The following CMSS1 variants were observed in gnomAD, a reference collection of about 807,000 sequenced individuals.
CMSS1 encodes the protein protein CMSS1.
In CMSS1, 33 loss-of-function variants were observed where a neutral mutation model predicts 43.5. The observed-to-expected ratio is 0.76, with a 90% confidence interval of 0.57 to 1.01. CMSS1 has a LOEUF of 1.01. Ranked by LOEUF, CMSS1 falls within the 50% of genes least tolerant of loss-of-function variation. CMSS1 has a pLI of 0.00. For synonymous variants in CMSS1, 115 were observed against 117.2 expected, an observed-to-expected ratio of 0.98 and a Z score of 0.12; for missense variants, 313 against 326.4, an observed-to-expected ratio of 0.96 and a Z score of 0.32.
chr3:100,122,473 C>A (rs947683649), intron 1 of CMSS1, among the ~76,000 whole-genome samples: 4 of 152,220 alleles, frequency 2.6e-5, no homozygotes, highest in African/African-American at 9.6e-5. Context: ...AGCCACATGG[C>A]AAAGTGACAA....
chr3:100,138,738 G>A (rs974271071), intron 1 of CMSS1, among the ~76,000 whole-genome samples: 1 of 152,196 alleles, frequency 6.6e-6, no homozygotes, highest in Non-Finnish European at 1.5e-5. Context: ...TACACTGTTG[G>A]TGGGAGTGTA....
At chr3:99,901,905 CATA>C (rs1402045210) in intron 1 of CMSS1, among the ~76,000 whole-genome samples, 1 of 152,030 alleles carries the variant, frequency 6.6e-6, no homozygotes, top group Non-Finnish European at 1.5e-5. Flanking sequence ...TAGAGCTCAG[CATA>C]ATGTTTTTTG....
chr3:99,895,276 C>G (rs1317481763), intron 1 of CMSS1, among the ~76,000 whole-genome samples: 1 of 152,074 alleles, frequency 6.6e-6, no homozygotes, highest in African/African-American at 2.4e-5. Context: ...CCCATGTTCA[C>G]TGCTGGAAAA....
At chr3:99,985,682 G>A (rs1324929833) in intron 1 of CMSS1, among the ~76,000 whole-genome samples, 1 of 151,722 alleles carries the variant, frequency 6.6e-6, no homozygotes, top group African/African-American at 2.4e-5. Context: ...TCCGTCTCCT[G>A]GGTTCAAGCA....
chr3:100,000,959 A>G (rs767374804), intron 1 of CMSS1, among the ~76,000 whole-genome samples: 4 of 152,218 alleles, frequency 2.6e-5, no homozygotes, highest in Non-Finnish European at 5.9e-5. Flanking sequence ...TTTAATGCCA[A>G]CTATGTTTTC....
rs535753323 is a variant in CMSS1 at position 99,931,153 on chromosome 3, T to C, written c.64+113110T>C. ...TACCACAGCCCCAAAGTCAATCTTT[T>C]TGATGTCTACAGCAGAGAAGGATAT... On this transcript the variant is annotated intron_variant, in intron 1 of 9. Coordinates refer to ENST00000421999, the MANE Select transcript of CMSS1 (RefSeq NM_032359.4). 2.5e-5 allele frequency: 19 copies of C among 761,970 alleles called. 1 individual carries two copies. The East Asian group carries it at 4.7e-4, about 19-fold the overall frequency. 47.2% of individuals were successfully genotyped at this position (761,970 alleles called of 1,614,324 possible).
intron 1 of CMSS1, chr3:99,848,004 G>T (rs1576507295): frequency 1.8e-6 from 2 of 1,103,516 alleles, no homozygotes; most frequent in East Asian, 1.0e-4. Flanking sequence ...ATTAAAGTGA[G>T]TTATGGAAAA....
At chr3:99,966,345 T>C (rs1205996366) in intron 1 of CMSS1, among the ~76,000 whole-genome samples, 4 of 152,128 alleles carry the variant, frequency 2.6e-5, no homozygotes, top group Admixed American at 2.0e-4. Context: ...GTTTCTTTCA[T>C]AGCCCCACTG....
chr3:100,150,012 G>A (rs2066891074), intron 2 of CMSS1, among the ~76,000 whole-genome samples: 1 of 151,952 alleles, frequency 6.6e-6, no homozygotes, highest in East Asian at 1.9e-4. Flanking sequence ...CAGGGCTGGG[G>A]TCTGTCCTCT....
chr3:99,959,222 C>T (rs910396865), intron 1 of CMSS1, among the ~76,000 whole-genome samples: 4 of 152,218 alleles, frequency 2.6e-5, no homozygotes, highest in Non-Finnish European at 5.9e-5. Flanking sequence ...AACTTCAGCT[C>T]ACTGCAACCT....
At chr3:99,943,425 C>T (rs1201589285) in intron 1 of CMSS1, among the ~76,000 whole-genome samples, 3 of 151,980 alleles carry the variant, frequency 2.0e-5, no homozygotes, top group East Asian at 1.9e-4. Flanking sequence ...TAAATCTTGC[C>T]GGGTATGGTG....
intron 6 of CMSS1, among the ~76,000 whole-genome samples, chr3:100,168,242 CA>C (rs1214252578): frequency 6.6e-6 from 1 of 152,058 alleles, no homozygotes; most frequent in Admixed American, 6.6e-5. Flanking sequence ...GATAGGATGC[CA>C]TTATAGGATT....
chr3:99,913,816 G>A (rs1026505749), intron 1 of CMSS1, among the ~76,000 whole-genome samples: 5 of 152,186 alleles, frequency 3.3e-5, no homozygotes, highest in African/African-American at 4.8e-5. Flanking sequence ...AAGAAAAAAC[G>A]TAGAAAACAC....
intron 1 of CMSS1, among the ~76,000 whole-genome samples, chr3:99,870,696 C>A (rs1223043426): frequency 2.6e-5 from 4 of 152,184 alleles, no homozygotes; most frequent in Non-Finnish European, 5.9e-5. Context: ...GCTAGCTTCA[C>A]AGGTTGACAT....
At chr3:100,093,082 A>G (rs940126006) in intron 1 of CMSS1, among the ~76,000 whole-genome samples, 1 of 152,132 alleles carries the variant, frequency 6.6e-6, no homozygotes, top group Admixed American at 6.5e-5. Flanking sequence ...CAGAATGGAA[A>G]AAATTGAAGT....
rs984256283 is a variant in CMSS1, at chr3:100,123,375, C to G, written c.65-23598C>G. 4.6e-5 allele frequency among the ~76,000 whole-genome samples: 7 copies of G among 152,120 alleles called. No individual in the cohort carries two copies. In the East Asian group the frequency reaches 1.3e-3, roughly 29 times the overall value. On this transcript the variant is annotated intron_variant, in intron 1 of 9. Coordinates refer to ENST00000421999, the MANE Select transcript of CMSS1 (RefSeq NM_032359.4). ...GGGGTATTGTGAGCCAAAGAGGAGG[C>G]AGTGGGATTGAAGGAGGAATTAGGG...
chr3:99,952,299 C>T (rs765420555), intron 1 of CMSS1, among the ~76,000 whole-genome samples: 10 of 152,124 alleles, frequency 6.6e-5, no homozygotes, highest in Non-Finnish European at 1.3e-4. Context: ...TTGGCTTAAG[C>T]TAGACATCTA....
rs147736738 is a variant in CMSS1, at chr3:100,168,268, G to A, written c.518+428G>A. The stretch of plus-strand genomic sequence containing the variant: ...ATTATAGGATTTTGAGGACTTACTT[G>A]ATCTGAATCATCATTTTAAAGGTTC... On this transcript the variant is annotated intron_variant, in intron 6 of 9. Transcript: ENST00000421999. Among the ~76,000 whole-genome samples, 70 of 152,290 alleles carry A rather than the reference G, an allele frequency of 4.6e-4. 1 individual carries two copies. Among genetic ancestry groups the A allele is most frequent in the African/African-American group, 1.6e-3 (68 of 41,576 alleles).
At chr3:99,878,873 C>CGAA (rs1705628241) in intron 1 of CMSS1, among the ~76,000 whole-genome samples, 1 of 152,128 alleles carries the variant, frequency 6.6e-6, no homozygotes, top group Admixed American at 6.5e-5. Flanking sequence ...TATTTCCTTC[C>CGAA]CTCTTTCAAC....
Sources: gnomAD v4.1 joint callset for allele counts (sites outside exome capture counted in the v4.1 genomes callset) on GRCh38, gnomAD v4.1.1 for gene constraint, MANE v1.5 for transcripts, NCBI Gene and HGNC (gene_info 2026-07-23, HGNC 2026-07-21) for gene names.